Variants in GBE1 observed in about 807,000 individuals in gnomAD.
GBE1 encodes the protein 1,4-alpha-glucan branching enzyme 1.
In GBE1, 70 loss-of-function variants were observed where a neutral mutation model predicts 88.8. The ratio of observed to expected loss-of-function variants is 0.79; its 90% CI spans 0.65 to 0.96. The LOEUF (loss-of-function observed/expected upper bound fraction) is 0.96, where lower values mean the gene tolerates loss of function less well. Among genes scored for constraint, GBE1 ranks in the 40% least tolerant of loss-of-function variants. GBE1 has a pLI of 0.00. For missense variants in GBE1, 872 were observed against 871.0 expected, an observed-to-expected ratio of 1.00 and a Z score of -0.01; for synonymous variants, 284 against 300.1, an observed-to-expected ratio of 0.95 and a Z score of 0.56.
intron 7 of GBE1, among the ~76,000 whole-genome samples, chr3:81,629,326 A>G (rs886832113): frequency 4.7e-5 from 7 of 150,462 alleles, no homozygotes; most frequent in Non-Finnish European, 1.0e-4. Context: ...ATGGTTTCCA[A>G]TTTCATCCAT....
intron 15 of GBE1, among the ~76,000 whole-genome samples, chr3:81,493,988 G>A (rs1211073398): frequency 6.6e-6 from 1 of 151,860 alleles, no homozygotes; most frequent in Non-Finnish European, 1.5e-5. Context: ...TATAATGACA[G>A]TTCCATCATA....
At chr3:81,642,095 A>G (rs573058614) in intron 7 of GBE1, among the ~76,000 whole-genome samples, 7 of 151,908 alleles carry the variant, frequency 4.6e-5, no homozygotes, top group African/African-American at 1.7e-4. Context: ...TTTTTGCCAT[A>G]TGCTATTTAA....
At chr3:81,581,385 A>G (rs767184816) in intron 10 of GBE1, 110 bp from the exon 11 acceptor site, 58 of 634,934 alleles carry the variant, frequency 9.1e-5, no homozygotes, top group Non-Finnish European at 1.4e-4. Context: ...TGATAAGCAC[A>G]TATTAGTCCA....
intron 12 of GBE1, among the ~76,000 whole-genome samples, chr3:81,568,468 G>C (rs985555338): frequency 7.3e-6 from 1 of 137,166 alleles, no homozygotes; most frequent in African/African-American, 2.8e-5. Context: ...ATCATTTGCA[G>C]GTTTTTTATT....
chr3:81,746,327 A>G (rs1706420106), intron 1 of GBE1, among the ~76,000 whole-genome samples: 1 of 152,142 alleles, frequency 6.6e-6, no homozygotes, highest in South Asian at 2.1e-4. Flanking sequence ...CAGTGGCACA[A>G]TCTTAGCTCA....
chr3:81,525,995 T>C (rs1008035606), intron 14 of GBE1, among the ~76,000 whole-genome samples: 1 of 152,080 alleles, frequency 6.6e-6, no homozygotes, highest in African/African-American at 2.4e-5. Flanking sequence ...CATGGATTCA[T>C]TGATTTTTTG....
rs147122266 is a variant in GBE1, at chr3:81,744,724, C to T, written c.143+16651G>A. 7.2e-4 allele frequency among the ~76,000 whole-genome samples: 110 copies of T among 152,278 alleles called. No individual in the cohort carries two copies. The Middle Eastern group carries it at 0.017, about 24-fold the overall frequency. On this transcript the variant is annotated intron_variant, in intron 1 of 15. Coordinates refer to ENST00000429644, the MANE Select transcript of GBE1 (RefSeq NM_000158.4). ...CACAATGTGGCAATTCTTACACAAG[C>T]ACATTTTCCAACTGAACCAATTTTG... is the stretch of plus-strand genomic sequence containing the variant.
At chr3:81,603,714 T>C (rs540453714) in intron 7 of GBE1, among the ~76,000 whole-genome samples, 81 of 152,262 alleles carry the variant, frequency 5.3e-4, no homozygotes, top group African/African-American at 1.1e-3. Flanking sequence ...CAGGCTGGTA[T>C]TGAACTTCTG....
chr3:81,656,876 C>T (rs1270112465), intron 3 of GBE1, among the ~76,000 whole-genome samples: 1 of 151,964 alleles, frequency 6.6e-6, no homozygotes, highest in Non-Finnish European at 1.5e-5. Flanking sequence ...TGAATTTGTG[C>T]CCGGGTGTGT....
At chr3:81,591,834 C>T (rs1003341244) in intron 8 of GBE1, among the ~76,000 whole-genome samples, 3 of 151,948 alleles carry the variant, frequency 2.0e-5, no homozygotes, top group African/African-American at 7.2e-5. Context: ...CATTTCTCTA[C>T]ATCTAAGTTC....
chr3:81,511,950 C>G (rs1702731438), intron 14 of GBE1, among the ~76,000 whole-genome samples: 1 of 151,498 alleles, frequency 6.6e-6, no homozygotes, highest in East Asian at 1.9e-4. Flanking sequence ...AACGTAGGTG[C>G]CCATGAATGG....
chr3:81,749,468 G>A (rs1706465341), intron 1 of GBE1, among the ~76,000 whole-genome samples: 2 of 152,194 alleles, frequency 1.3e-5, no homozygotes, highest in Admixed American at 6.5e-5. Context: ...GGGTGGGGGA[G>A]GGGCAATGTG....
intron 1 of GBE1, among the ~76,000 whole-genome samples, chr3:81,731,401 A>G (rs542837336): frequency 7.2e-5 from 11 of 152,314 alleles, no homozygotes; most frequent in East Asian, 5.8e-4. Context: ...AGGTATTAGC[A>G]ACTCAAAAGC....
At chr3:81,594,458 T>C (rs1253712692) in intron 7 of GBE1, among the ~76,000 whole-genome samples, 1 of 152,084 alleles carries the variant, frequency 6.6e-6, no homozygotes, top group Non-Finnish European at 1.5e-5. Context: ...GTGATTTTTC[T>C]CCTTTCAGAA....
chr3:81,746,616 AATG>A (rs1212277689), intron 1 of GBE1, among the ~76,000 whole-genome samples: 3 of 152,216 alleles, frequency 2.0e-5, no homozygotes, highest in East Asian at 1.9e-4. Context: ...GTCAAATTAA[AATG>A]ATAACCACTA....
chr3:81,565,677 G>A (rs1703482371), intron 12 of GBE1, among the ~76,000 whole-genome samples: 2 of 152,100 alleles, frequency 1.3e-5, no homozygotes, highest in Non-Finnish European at 2.9e-5. Flanking sequence ...TAATACTGCT[G>A]AGAGAGAAAA....
intron 2 of GBE1, among the ~76,000 whole-genome samples, chr3:81,704,471 G>A (rs550650668): frequency 1.4e-4 from 21 of 151,848 alleles, no homozygotes; most frequent in South Asian, 1.2e-3. Flanking sequence ...ATTCCCTCAC[G>A]TCCCTCTGTA....
chr3:81,713,419 T>A (rs771614259), intron 1 of GBE1, among the ~76,000 whole-genome samples: 10 of 152,158 alleles, frequency 6.6e-5, no homozygotes, highest in Admixed American at 1.3e-4. Context: ...ATGAAAAAGA[T>A]TGTCTGCAAT....
chr3:81,615,366 A>G (rs1704234963), intron 7 of GBE1, among the ~76,000 whole-genome samples: 1 of 152,216 alleles, frequency 6.6e-6, no homozygotes, highest in African/African-American at 2.4e-5. Context: ...CAATACAGCC[A>G]AGATACAGAA....
Sources: gnomAD v4.1 joint callset for allele counts (sites outside exome capture counted in the v4.1 genomes callset) on GRCh38, gnomAD v4.1.1 for gene constraint, MANE v1.5 for transcripts, NCBI Gene and HGNC (gene_info 2026-07-23, HGNC 2026-07-21) for gene names.